Variants in RPAP2 observed in about 807,000 individuals in gnomAD.
RPAP2 encodes RNA polymerase II associated protein 2.
Under a neutral mutation model 73.1 loss-of-function variants are expected in RPAP2, and 52 were observed. That is an observed-to-expected ratio of 0.71 (90% CI 0.57 to 0.90). The LOEUF (loss-of-function observed/expected upper bound fraction) is 0.90. Ranked by LOEUF, RPAP2 falls within the 40% of genes least tolerant of loss-of-function variation. The pLI, the probability that RPAP2 is intolerant of heterozygous loss-of-function variation, is 0.00. For synonymous variants in RPAP2, 225 were observed against 242.1 expected (o/e 0.93, Z 0.65); for missense variants, 598 against 701.8 (o/e 0.85, Z 1.67).
At chr1:92,322,974 G>T in intron 7 of RPAP2, among the ~76,000 whole-genome samples, 1 of 144,274 alleles carries the variant, frequency 6.9e-6, no homozygotes, top group African/African-American at 2.5e-5. Flanking sequence ...ATATGTACAA[G>T]TATATATTAT....
chr1:92,351,620 G>T (rs997622515), intron 11 of RPAP2, among the ~76,000 whole-genome samples: 1 of 152,084 alleles, frequency 6.6e-6, no homozygotes, highest in Admixed American at 6.6e-5. Context: ...ACCTCTGTCA[G>T]TATATTTGAG....
rs746573879 is a variant in RPAP2 at position 92,401,199 on chromosome 1, A to G, written c.*14188A>G. On this transcript the variant is annotated 3_prime_UTR_variant, in exon 13 of 13. Transcript: ENST00000610020. Reference sequence around the variant, plus strand: ...TTGGGTGAGGACACAGAGCCGGACCATATCAGAGAGAAAGCTATTACTGAA... The same window carrying G: ...TTGGGTGAGGACACAGAGCCGGACCGTATCAGAGAGAAAGCTATTACTGAA... The G allele has an allele frequency of 1.3e-5, 2 of 152,234 alleles. No homozygotes were observed. The highest frequency in any genetic ancestry group is 2.9e-5 in the Non-Finnish European group (2 of 68,042). 9.4% of individuals were successfully genotyped at this position (152,234 alleles called of 1,614,324 possible).
Position 92,347,693 on chromosome 1 carries a change from G to A in RPAP2, c.1688+1779G>A, listed in dbSNP as rs561622075. 1.1e-4 allele frequency among the ~76,000 whole-genome samples: 17 copies of A among 152,248 alleles called. No individual in the cohort carries two copies. In the South Asian group the frequency reaches 3.5e-3, roughly 31 times the overall value. ...TTCTATACAAAAGTAAACCTCTCTA[G>A]TGTTTGATTTTAATAGAGGCATCCA... On this transcript the variant is annotated intron_variant, in intron 11 of 12. Transcript: ENST00000610020.
intron 11 of RPAP2, among the ~76,000 whole-genome samples, chr1:92,368,440 A>G (rs1260262206): frequency 6.6e-6 from 1 of 152,224 alleles, no homozygotes; most frequent in Non-Finnish European, 1.5e-5. Flanking sequence ...GATAAAAAAC[A>G]TAGAGATTCA....
At chr1:92,360,810 C>T (rs1340185059) in intron 11 of RPAP2, among the ~76,000 whole-genome samples, 2 of 152,074 alleles carry the variant, frequency 1.3e-5, no homozygotes, top group Non-Finnish European at 2.9e-5. Context: ...TGTTAATTTT[C>T]ATTACTGTTA....
intron 11 of RPAP2, among the ~76,000 whole-genome samples, chr1:92,350,487 C>A (rs1654146732): frequency 6.6e-6 from 1 of 152,156 alleles, no homozygotes; most frequent in Non-Finnish European, 1.5e-5. Context: ...AGACTTTACT[C>A]TTAGATCTGA....
chr1:92,396,154 T>C lies in RPAP2; in HGVS notation c.*9143T>C, dbSNP rs1656177342. ...AGGCAAATGTTCATAGCATTATCAT[T>C]CATATTAGTCAAAAAGTGGAAACCA... On this transcript the variant is annotated 3_prime_UTR_variant, in exon 13 of 13. Transcript: ENST00000610020. 1 of 152,016 alleles carries C rather than the reference T, an allele frequency of 6.6e-6. No homozygotes were observed. Among genetic ancestry groups the C allele is most frequent in the Non-Finnish European group, 1.5e-5 (1 of 67,998 alleles). The allele number at this position is 152,016 out of a possible 1,614,324, so 9.4% of individuals were successfully genotyped here.
intron 11 of RPAP2, among the ~76,000 whole-genome samples, chr1:92,374,130 T>C (rs1030909218): frequency 6.6e-6 from 1 of 152,194 alleles, no homozygotes; most frequent in Admixed American, 6.5e-5. Flanking sequence ...CTGTGGACCA[T>C]AGGTTGTCCA....
At chr1:92,351,581 T>A (rs1654219742) in intron 11 of RPAP2, among the ~76,000 whole-genome samples, 2 of 152,156 alleles carry the variant, frequency 1.3e-5, no homozygotes, top group South Asian at 4.1e-4. Flanking sequence ...CCTCTTCCCT[T>A]TGCTCTTGGT....
At position 92,301,400 on chromosome 1, in the gene RPAP2, T is replaced by C. The variant is rs1002174767; in HGVS notation, c.120-76T>C. 4.3e-5 allele frequency: 29 copies of C among 674,042 alleles called. No homozygotes were observed. In the East Asian group the frequency reaches 8.7e-4, roughly 20 times the overall value. 41.8% of individuals were successfully genotyped at this position (674,042 alleles called of 1,614,324 possible). ...TTAAGTGGCAAAATAGTGAGTTAGG[T>C]TAGTATTGTATTTTAAAACATGGAA... is the stretch of plus-strand genomic sequence containing the variant. On this transcript the variant is annotated intron_variant, in intron 2 of 12. Coordinates refer to ENST00000610020, the MANE Select transcript of RPAP2 (RefSeq NM_024813.3).
At chr1:92,321,891 C>T (rs535349751) in intron 7 of RPAP2, among the ~76,000 whole-genome samples, 7 of 148,338 alleles carry the variant, frequency 4.7e-5, no homozygotes, top group Middle Eastern at 3.5e-3. Context: ...AATCTAAACA[C>T]AATTCCTGTA....
intron 11 of RPAP2, among the ~76,000 whole-genome samples, chr1:92,357,930 C>T (rs886603420): frequency 6.6e-6 from 1 of 152,092 alleles, no homozygotes; most frequent in African/African-American, 2.4e-5. Context: ...TTCATTTGCT[C>T]GTTTGTTTGT....
intron 10 of RPAP2, among the ~76,000 whole-genome samples, chr1:92,337,773 G>A (rs1299401892): frequency 6.6e-6 from 1 of 152,034 alleles, no homozygotes; most frequent in African/African-American, 2.4e-5. Context: ...ATGATAGTTT[G>A]AGGGGACATT....
In RPAP2 at chr1:92,398,301, A is replaced by T. The variant is rs1015061130; in HGVS notation, c.*11290A>T. On this transcript the variant is annotated 3_prime_UTR_variant, in exon 13 of 13. Transcript: ENST00000610020. ...AATATTTCATGTAACCCATAAATAT[A>T]TACATCTACTATGTACCCACAAAAA... 6.6e-6 allele frequency: 1 copy of T among 152,246 alleles called. No individual in the cohort carries two copies. Among genetic ancestry groups the T allele is most frequent in the African/African-American group, 2.4e-5 (1 of 41,462 alleles). 9.4% of individuals were successfully genotyped at this position (152,246 alleles called of 1,614,324 possible).
chr1:92,358,414 CTT>C (rs149267079), intron 11 of RPAP2, among the ~76,000 whole-genome samples: 2,113 of 152,262 alleles, frequency 0.014, 46 homozygotes, highest in African/African-American at 0.047. Context: ...CCTCACGAAA[CTT>C]TCCCTGACTT....
intron 4 of RPAP2, 84 bp from the exon 5 acceptor site, chr1:92,304,200 G>T: frequency 9.0e-7 from 1 of 1,116,156 alleles, no homozygotes; most frequent in Non-Finnish European, 1.3e-6. Flanking sequence ...CCAATGATAT[G>T]ATATGTAGAT....
In RPAP2 at chr1:92,400,462, G is replaced by A. The variant is rs1362719689; in HGVS notation, c.*13451G>A. ...AACCTCCAGAGTATCTGGGACTATA[G>A]GCACGTACCACCATACCCAGCTAAT... On this transcript the variant is annotated 3_prime_UTR_variant, in exon 13 of 13. Transcript: ENST00000610020. 1 of 152,166 alleles carries A rather than the reference G, an allele frequency of 6.6e-6. No individual in the cohort carries two copies. The highest frequency in any genetic ancestry group is 1.5e-5 in the Non-Finnish European group (1 of 68,116). 9.4% of individuals were successfully genotyped at this position (152,166 alleles called of 1,614,324 possible).
intron 1 of RPAP2, 132 bp downstream of exon 1, chr1:92,299,278 A>C: frequency 2.2e-6 from 1 of 464,960 alleles, no homozygotes; most frequent in Non-Finnish European, 3.9e-6. Context: ...GAGTAGGCCG[A>C]AAGCTTCCCA....
At position 92,356,273 on chromosome 1, in the gene RPAP2, A is replaced by C. The variant is rs546088578; in HGVS notation, c.1688+10359A>C. On this transcript the variant is annotated intron_variant, in intron 11 of 12. Coordinates refer to ENST00000610020, the MANE Select transcript of RPAP2 (RefSeq NM_024813.3). ...ATTACAGGTGTGAGCCACCATGCCCAGCCTATTATTTATATTTTATTCTGG... is the reference window on the plus strand; with the variant it reads ...ATTACAGGTGTGAGCCACCATGCCCCGCCTATTATTTATATTTTATTCTGG... Among the ~76,000 whole-genome samples the C allele has an allele frequency of 1.2e-3, 189 of 152,074 alleles. 3 individuals are homozygous for C. Among genetic ancestry groups the C allele is most frequent in the African/African-American group, 4.5e-3 (186 of 41,514 alleles).
Sources: gnomAD v4.1 joint callset for allele counts (sites outside exome capture counted in the v4.1 genomes callset) on GRCh38, gnomAD v4.1.1 for gene constraint, MANE v1.5 for transcripts, NCBI Gene and HGNC (gene_info 2026-07-23, HGNC 2026-07-21) for gene names.